The following SLC25A21 variants were observed in gnomAD, a reference collection of about 807,000 sequenced individuals.
The protein encoded by SLC25A21 is mitochondrial 2-oxodicarboxylate carrier.
SLC25A21 carries 47 observed loss-of-function variants against 43.8 expected under a neutral mutation model. The observed-to-expected ratio is 1.07, with a 90% CI of 0.85 to 1.37. The LOEUF is 1.37. Among genes scored for constraint, SLC25A21 ranks in the 40% most tolerant of loss-of-function variants. The pLI, the probability that SLC25A21 is intolerant of heterozygous loss-of-function variation, is 0.00. For synonymous variants in SLC25A21, 131 were observed against 121.3 expected, an observed-to-expected ratio of 1.08 and a Z score of -0.52; for missense variants, 352 against 350.2, an observed-to-expected ratio of 1.00 and a Z score of -0.04.
At chr14:37,003,134 C>A (rs1412654676) in intron 1 of SLC25A21, among the ~76,000 whole-genome samples, 1 of 152,086 alleles carries the variant, frequency 6.6e-6, no homozygotes, top group Non-Finnish European at 1.5e-5. Flanking sequence ...TACATACATA[C>A]CTATGACTAA....
intron 1 of SLC25A21, among the ~76,000 whole-genome samples, chr14:36,963,043 G>T (rs1187795569): frequency 6.6e-6 from 1 of 152,122 alleles, no homozygotes; most frequent in African/African-American, 2.4e-5. Context: ...GGCCTAAGTT[G>T]GCAGTCTTTG....
intron 7 of SLC25A21, among the ~76,000 whole-genome samples, chr14:36,693,966 G>A (rs1186977938): frequency 6.6e-6 from 1 of 152,122 alleles, no homozygotes; most frequent in Non-Finnish European, 1.5e-5. Context: ...ACAATGTGCA[G>A]GTTTGATACA....
At chr14:36,905,971 C>G (rs901973528) in intron 1 of SLC25A21, among the ~76,000 whole-genome samples, 1 of 151,996 alleles carries the variant, frequency 6.6e-6, no homozygotes, top group African/African-American at 2.4e-5. Context: ...GTGAAGTGAC[C>G]GGCGATATGC....
chr14:36,938,577 T>A (rs1892482840), intron 1 of SLC25A21, among the ~76,000 whole-genome samples: 1 of 152,042 alleles, frequency 6.6e-6, no homozygotes, highest in African/African-American at 2.4e-5. Flanking sequence ...CTTGGTTGAT[T>A]TTGATATTTC....
chr14:36,895,118 T>C (rs895488895), intron 1 of SLC25A21, among the ~76,000 whole-genome samples: 12 of 152,184 alleles, frequency 7.9e-5, no homozygotes, highest in African/African-American at 2.7e-4. Flanking sequence ...AGGAATGGTA[T>C]CAGCTCCTCC....
chr14:36,736,063 G>A (rs552964156), intron 3 of SLC25A21, among the ~76,000 whole-genome samples: 1 of 149,650 alleles, frequency 6.7e-6, no homozygotes, highest in African/African-American at 2.5e-5. Context: ...AGCCTCCCGA[G>A]TAGCTGGGAC....
intron 2 of SLC25A21, among the ~76,000 whole-genome samples, chr14:36,836,754 G>A (rs1276134068): frequency 2.0e-5 from 3 of 152,200 alleles, no homozygotes; most frequent in Non-Finnish European, 4.4e-5. Flanking sequence ...CAAAAAGTTT[G>A]TAGTTAAGAA....
chr14:37,082,821 AT>A (rs1170478904), intron 1 of SLC25A21, among the ~76,000 whole-genome samples: 1 of 152,106 alleles, frequency 6.6e-6, no homozygotes, highest in African/African-American at 2.4e-5. Flanking sequence ...GGAAATTAGG[AT>A]TTTTTTAAAG....
At chr14:36,818,531 G>C (rs1473376166) in intron 2 of SLC25A21, among the ~76,000 whole-genome samples, 1 of 152,220 alleles carries the variant, frequency 6.6e-6, no homozygotes, top group African/African-American at 2.4e-5. Context: ...CTATGCTAAA[G>C]CAGTGAGAGG....
At chr14:37,039,491 A>G (rs918371393) in intron 1 of SLC25A21, among the ~76,000 whole-genome samples, 8 of 152,176 alleles carry the variant, frequency 5.3e-5, no homozygotes, top group African/African-American at 4.8e-5. Flanking sequence ...TCATTTCCCT[A>G]AACTTTACAT....
intron 3 of SLC25A21, among the ~76,000 whole-genome samples, chr14:36,797,542 G>C (rs1887717264): frequency 6.6e-6 from 1 of 152,184 alleles, no homozygotes; most frequent in Non-Finnish European, 1.5e-5. Flanking sequence ...TAAGCAGTAT[G>C]CTTTAGATTT....
chr14:36,983,041 A>T (rs894994552), intron 1 of SLC25A21, among the ~76,000 whole-genome samples: 2 of 152,196 alleles, frequency 1.3e-5, no homozygotes, highest in African/African-American at 4.8e-5. Flanking sequence ...ATGCTCCAAA[A>T]TTAACAGTTG....
intron 1 of SLC25A21, among the ~76,000 whole-genome samples, chr14:36,883,225 C>G (rs552466062): frequency 6.6e-6 from 1 of 152,272 alleles, no homozygotes; most frequent in Non-Finnish European, 1.5e-5. Flanking sequence ...TGTCTTACAA[C>G]TCTCCCCTCC....
chr14:36,686,026 CTA>C (rs1882523494), intron 7 of SLC25A21, among the ~76,000 whole-genome samples: 1 of 152,122 alleles, frequency 6.6e-6, no homozygotes, highest in South Asian at 2.1e-4. Flanking sequence ...TGCCACAACA[CTA>C]TTTTATCCAG....
intron 2 of SLC25A21, among the ~76,000 whole-genome samples, chr14:36,823,391 AT>A (rs1258414231): frequency 2.0e-5 from 3 of 152,216 alleles, no homozygotes; most frequent in Non-Finnish European, 4.4e-5. Flanking sequence ...ATTATGCTTA[AT>A]ATCAGATTAT....
At chr14:36,776,499 T>C (rs1419934892) in intron 3 of SLC25A21, among the ~76,000 whole-genome samples, 1 of 151,856 alleles carries the variant, frequency 6.6e-6, no homozygotes, top group African/African-American at 2.4e-5. Context: ...CGGCTAGGAT[T>C]ACAAAGTGCT....
chr14:36,990,808 G>A (rs1018670224), intron 1 of SLC25A21, among the ~76,000 whole-genome samples: 4 of 151,962 alleles, frequency 2.6e-5, no homozygotes, highest in Non-Finnish European at 5.9e-5. Flanking sequence ...TTGAGCCCGG[G>A]AGGTCGAGGT....
At chr14:36,905,588 C>A (rs573077227) in intron 1 of SLC25A21, among the ~76,000 whole-genome samples, 1 of 152,106 alleles carries the variant, frequency 6.6e-6, no homozygotes, top group Non-Finnish European at 1.5e-5. Flanking sequence ...CAGCTTATGG[C>A]TGCTACGACT....
chr14:37,064,671 TCACCAACACCC>T (rs986616894), intron 1 of SLC25A21, among the ~76,000 whole-genome samples: 1 of 152,090 alleles, frequency 6.6e-6, no homozygotes, highest in African/African-American at 2.4e-5. Flanking sequence ...GCTACCACCA[TCACCAACACCC>T]CATTCTATGA....
Sources: gnomAD v4.1 joint callset for allele counts (sites outside exome capture counted in the v4.1 genomes callset) on GRCh38, gnomAD v4.1.1 for gene constraint, MANE v1.5 for transcripts, NCBI Gene and HGNC (gene_info 2026-07-23, HGNC 2026-07-21) for gene names.